Variants in TTC39B observed in about 807,000 individuals in gnomAD.
TTC39B encodes the protein tetratricopeptide repeat protein 39B.
TTC39B carries 92 observed loss-of-function variants against 96.6 expected under a neutral mutation model. That is an observed-to-expected ratio of 0.95 (90% CI 0.80 to 1.13). The LOEUF (loss-of-function observed/expected upper bound fraction) is 1.13, where lower values mean the gene tolerates loss of function less well. TTC39B is among the 50% of genes most tolerant of loss of function. The pLI, the probability that TTC39B is intolerant of heterozygous loss-of-function variation, is 0.00. For synonymous variants in TTC39B, 367 were observed against 299.4 expected, an observed-to-expected ratio of 1.23 and a Z score of -2.33; for missense variants, 955 against 809.3, an observed-to-expected ratio of 1.18 and a Z score of -2.18.
chr9:15,228,633 A>G (rs894847625), intron 2 of TTC39B, among the ~76,000 whole-genome samples: 2 of 152,192 alleles, frequency 1.3e-5, no homozygotes, highest in Admixed American at 1.3e-4. Flanking sequence ...GTTCCAGTCA[A>G]GTATTTTATT....
chr9:15,172,413 T>C (rs547167482), intron 19 of TTC39B, among the ~76,000 whole-genome samples: 17 of 152,254 alleles, frequency 1.1e-4, no homozygotes, highest in African/African-American at 4.1e-4. Context: ...GTACAAATTT[T>C]GTGAACTAGT....
chr9:15,258,779 T>C (rs572577272), intron 2 of TTC39B, among the ~76,000 whole-genome samples: 1 of 152,284 alleles, frequency 6.6e-6, no homozygotes, highest in East Asian at 1.9e-4. Context: ...CAGTCTTCCA[T>C]CTCTGCTGGG....
At chr9:15,278,057 T>G (rs1823613212) in intron 1 of TTC39B, among the ~76,000 whole-genome samples, 1 of 152,202 alleles carries the variant, frequency 6.6e-6, no homozygotes, top group East Asian at 1.9e-4. Context: ...ACACATAGAT[T>G]AGAGAGCTAA....
intron 1 of TTC39B, among the ~76,000 whole-genome samples, chr9:15,287,611 G>C (rs1186932076): frequency 1.3e-5 from 2 of 152,028 alleles, no homozygotes; most frequent in Non-Finnish European, 2.9e-5. Context: ...TCAAACAGGG[G>C]CACCTTCATT....
chr9:15,172,326 G>T (rs1261271039), intron 19 of TTC39B, among the ~76,000 whole-genome samples: 3 of 152,046 alleles, frequency 2.0e-5, no homozygotes, highest in Admixed American at 2.0e-4. Flanking sequence ...GTCATCTAAA[G>T]GTCATACTTT....
chr9:15,196,931 A>T (rs1356046145), intron 8 of TTC39B, among the ~76,000 whole-genome samples: 1 of 152,224 alleles, frequency 6.6e-6, no homozygotes, highest in African/African-American at 2.4e-5. Context: ...AGCAACCACC[A>T]CCCTGAATGT....
chr9:15,190,187 T>A (rs1055797041), intron 11 of TTC39B, among the ~76,000 whole-genome samples: 10 of 152,284 alleles, frequency 6.6e-5, no homozygotes, highest in Middle Eastern at 3.4e-3. Context: ...GAAACTACCC[T>A]ACTCCTTCTG....
chr9:15,181,880 T>C (rs891394224), intron 17 of TTC39B, among the ~76,000 whole-genome samples: 1 of 152,142 alleles, frequency 6.6e-6, no homozygotes, highest in African/African-American at 2.4e-5. Flanking sequence ...TCAATGGTTT[T>C]TAGGATATTC....
In TTC39B at chr9:15,269,620, G is replaced by A. The variant is rs190041976; in HGVS notation, c.241-1672C>T. Among the ~76,000 whole-genome samples the A allele has an allele frequency of 1.2e-3, 190 of 152,124 alleles. 1 individual carries two copies. Among genetic ancestry groups the A allele is most frequent in the Middle Eastern group, 0.01 (3 of 294 alleles). ...TGCAATCCCAGCACTTTGGGAGGCCGAGGCGGGTGGATCACAAGGTCAGGA... is the reference window on the plus strand; with the variant it reads ...TGCAATCCCAGCACTTTGGGAGGCCAAGGCGGGTGGATCACAAGGTCAGGA... On this transcript the variant is annotated intron_variant, in intron 1 of 19. Transcript: ENST00000512701.
chr9:15,241,682 A>C (rs1822045827), intron 2 of TTC39B, among the ~76,000 whole-genome samples: 1 of 152,182 alleles, frequency 6.6e-6, no homozygotes. Flanking sequence ...TGTATTAAGA[A>C]AACTATAGCA....
At chr9:15,279,171 T>C (rs1291824213) in intron 1 of TTC39B, among the ~76,000 whole-genome samples, 1 of 152,228 alleles carries the variant, frequency 6.6e-6, no homozygotes, top group Non-Finnish European at 1.5e-5. Context: ...GCTTCTGCAG[T>C]TGAAAGTCTC....
intron 2 of TTC39B, among the ~76,000 whole-genome samples, chr9:15,252,121 G>A (rs1822583507): frequency 6.6e-6 from 1 of 152,060 alleles, no homozygotes; most frequent in South Asian, 2.1e-4. Flanking sequence ...TTTCAAGGAA[G>A]GAAAAGAGAA....
intron 19 of TTC39B, among the ~76,000 whole-genome samples, chr9:15,172,718 C>G (rs1817727243): frequency 6.6e-6 from 1 of 152,038 alleles, no homozygotes; most frequent in African/African-American, 2.4e-5. Context: ...CTCCCTTTAC[C>G]AGAATTGTTA....
chr9:15,192,682 T>C (rs1163558251), exon 9 of TTC39B: 1 of 1,613,594 alleles, frequency 6.2e-7, no homozygotes, highest in Admixed American at 1.7e-5. Flanking sequence ...TCATGCAGGA[T>C]AGAAAGACAT....
Position 15,254,020 on chromosome 9 carries a change from C to T in TTC39B, c.275+13894G>A, listed in dbSNP as rs139564020. 5.4e-3 allele frequency among the ~76,000 whole-genome samples: 826 copies of T among 152,142 alleles called. 4 individuals carry two copies. Among genetic ancestry groups the T allele is most frequent in the African/African-American group, 0.019 (785 of 41,516 alleles). On this transcript the variant is annotated intron_variant, in intron 2 of 19. Coordinates refer to ENST00000512701, the Ensembl canonical transcript of TTC39B. ...CTTGACTGGAGAAAAAATGTGGACT[C>T]GAGACTTCCTGGACACTCCCATTCC...
intron 3 of TTC39B, 79 bp from the exon 4 acceptor site, chr9:15,214,328 GTGTGTGTGTGTGTGTGTGTC>G (rs540920155): frequency 2.9e-5 from 24 of 827,100 alleles, no homozygotes; most frequent in Non-Finnish European, 4.7e-5. Flanking sequence ...GTGTGTGTGT[GTGTGTGTGTGTGTGTGTGTC>G]TGTGTGTGTG....
intron 1 of TTC39B, among the ~76,000 whole-genome samples, chr9:15,281,646 AAAAAT>A (rs1424966624): frequency 8.8e-5 from 13 of 147,754 alleles, no homozygotes; most frequent in African/African-American, 3.2e-4. Flanking sequence ...AAAAAAAAAA[AAAAAT>A]GGCAAAAAGC....
At chr9:15,267,200 C>G (rs1586981401) in intron 2 of TTC39B, among the ~76,000 whole-genome samples, 2 of 152,230 alleles carry the variant, frequency 1.3e-5, no homozygotes, top group South Asian at 4.1e-4. Context: ...TGCTGGCACC[C>G]TTAACTCAGA....
chr9:15,242,305 G>C (rs1316518697), intron 2 of TTC39B, among the ~76,000 whole-genome samples: 2 of 152,118 alleles, frequency 1.3e-5, no homozygotes, highest in Admixed American at 6.5e-5. Flanking sequence ...ATGCAGGCTG[G>C]GCACAGTGGC....
Sources: gnomAD v4.1 joint callset for allele counts (sites outside exome capture counted in the v4.1 genomes callset) on GRCh38, gnomAD v4.1.1 for gene constraint, MANE v1.5 for transcripts, NCBI Gene and HGNC (gene_info 2026-07-23, HGNC 2026-07-21) for gene names.